Variants in RELN observed in about 807,000 individuals in gnomAD.
RELN encodes the protein reelin.
In RELN, 108 loss-of-function variants were observed where a neutral mutation model predicts 427.6. The observed-to-expected ratio is 0.25, with a 90% CI of 0.22 to 0.30. RELN has a LOEUF of 0.30. Among genes scored for constraint, RELN ranks in the 10% least tolerant of loss-of-function variants. The pLI, the probability that RELN is intolerant of heterozygous loss-of-function variation, is 1.00. For synonymous variants in RELN, 1,524 were observed against 1,513.4 expected (o/e 1.01, Z -0.16); for missense variants, 3,715 against 4,302.8 (o/e 0.86, Z 3.82).
chr7:103,813,851 A>ATCT (rs1186208688), intron 3 of RELN, among the ~76,000 whole-genome samples: 1 of 152,112 alleles, frequency 6.6e-6, no homozygotes, highest in Non-Finnish European at 1.5e-5. Context: ...ACAAGACTAT[A>ATCT]TCTTCATTCT....
intron 8 of RELN, among the ~76,000 whole-genome samples, chr7:103,712,166 A>T (rs926946827): frequency 2.6e-5 from 4 of 152,214 alleles, no homozygotes; most frequent in Non-Finnish European, 4.4e-5. Context: ...AACCTGCAGC[A>T]ATTATACATT....
At chr7:103,653,442 T>C (rs1041106280) in intron 13 of RELN, among the ~76,000 whole-genome samples, 1 of 152,108 alleles carries the variant, frequency 6.6e-6, no homozygotes, top group Non-Finnish European at 1.5e-5. Flanking sequence ...AGATGTTAGC[T>C]GCATTTAAGC....
In RELN at chr7:103,822,775, G is replaced by A. The variant is rs1414989479; in HGVS notation, c.473+10762C>T. Among the ~76,000 whole-genome samples the A allele has an allele frequency of 1.7e-4, 2 of 11,958 alleles. 1 individual carries two copies. The highest frequency in any genetic ancestry group is 2.4e-4 in the African/African-American group (2 of 8,174). 7.8% of individuals were successfully genotyped at this position (11,958 alleles called of 152,430 possible). A position where few individuals can be genotyped will look rare whatever the true frequency, so the allele number is the denominator to read the frequency against. On this transcript the variant is annotated intron_variant, in intron 3 of 64. Coordinates refer to ENST00000428762, the MANE Select transcript of RELN (RefSeq NM_005045.4). Reference sequence around the variant, plus strand: ...TAAAAATACAAAAAATTAGCCGGGCGCGGTGGCGGGCGCCTGTAGTCCCAG... The same window carrying A: ...TAAAAATACAAAAAATTAGCCGGGCACGGTGGCGGGCGCCTGTAGTCCCAG...
intron 2 of RELN, among the ~76,000 whole-genome samples, chr7:103,909,431 T>C (rs1795289146): frequency 6.6e-6 from 1 of 151,200 alleles, no homozygotes; most frequent in African/African-American, 2.4e-5. Flanking sequence ...ACAATTTTTA[T>C]TAACTAGTGA....
At chr7:103,967,618 A>G (rs1330268886) in intron 1 of RELN, among the ~76,000 whole-genome samples, 1 of 152,210 alleles carries the variant, frequency 6.6e-6, no homozygotes, top group Non-Finnish European at 1.5e-5. Flanking sequence ...GAATGCCTCT[A>G]TCATGTGAGC....
chr7:103,882,610 TC>T (rs1794633778), intron 2 of RELN, among the ~76,000 whole-genome samples: 1 of 151,916 alleles, frequency 6.6e-6, no homozygotes, highest in African/African-American at 2.4e-5. Context: ...AAAGGAGAGA[TC>T]ACCACTGATC....
chr7:103,919,302 C>G (rs1306887808), intron 1 of RELN, among the ~76,000 whole-genome samples: 2 of 151,928 alleles, frequency 1.3e-5, no homozygotes, highest in Non-Finnish European at 2.9e-5. Flanking sequence ...TCTTAACATG[C>G]AGACCATTTC....
intron 1 of RELN, among the ~76,000 whole-genome samples, chr7:103,960,112 T>A (rs1439690404): frequency 6.6e-6 from 1 of 152,250 alleles, no homozygotes; most frequent in African/African-American, 2.4e-5. Flanking sequence ...AAAGAAGAAA[T>A]TAGATTATGT....
chr7:103,912,555 CAT>C (rs1173099870), intron 2 of RELN, among the ~76,000 whole-genome samples: 3 of 151,974 alleles, frequency 2.0e-5, no homozygotes, highest in African/African-American at 4.8e-5. Flanking sequence ...AAATGAAACA[CAT>C]AGAAAATTAC....
chr7:103,893,041 T>A (rs1043980162), intron 2 of RELN, among the ~76,000 whole-genome samples: 2 of 152,094 alleles, frequency 1.3e-5, no homozygotes, highest in African/African-American at 4.8e-5. Flanking sequence ...CAAAAGGAAT[T>A]CTCAGTACAG....
intron 10 of RELN, among the ~76,000 whole-genome samples, chr7:103,682,742 T>C (rs6465934): frequency 1 from 151,620 of 152,348 alleles, 75,448 homozygotes; most frequent in Middle Eastern, 1. Context: ...ACATGCAATG[T>C]AGAAAAGGTC....
chr7:103,854,841 C>T (rs1382542809), intron 2 of RELN, among the ~76,000 whole-genome samples: 2 of 152,114 alleles, frequency 1.3e-5, no homozygotes, highest in Non-Finnish European at 2.9e-5. Flanking sequence ...GGATTTCTGC[C>T]AAAAAGGGCT....
At chr7:103,822,863 G>A (rs1793044340) in intron 3 of RELN, among the ~76,000 whole-genome samples, 1 of 1,064 alleles carries the variant, frequency 9.4e-4, no homozygotes, top group African/African-American at 1.1e-3. Context: ...GCAGTGAGCC[G>A]AGATTGCGCC....
intron 41 of RELN, 117 bp from the exon 42 acceptor site, chr7:103,545,461 T>C (rs576179833): frequency 6.8e-6 from 5 of 737,814 alleles, no homozygotes; most frequent in East Asian, 5.4e-5. Context: ...ACCCAAGAAA[T>C]AGAAAACATT....
At chr7:103,516,025 A>C (rs1829559472) in intron 49 of RELN, among the ~76,000 whole-genome samples, 1 of 152,142 alleles carries the variant, frequency 6.6e-6, no homozygotes. Context: ...TTCATAGAAA[A>C]TGTCATGTGA....
chr7:103,506,550 T>C (rs1027169388), intron 51 of RELN, among the ~76,000 whole-genome samples: 7 of 152,052 alleles, frequency 4.6e-5, no homozygotes, highest in African/African-American at 1.7e-4. Context: ...TTACAGGAGC[T>C]CCTGAAGGAA....
intron 27 of RELN, among the ~76,000 whole-genome samples, chr7:103,590,805 T>C (rs1457401483): frequency 2.6e-5 from 4 of 152,188 alleles, no homozygotes; most frequent in African/African-American, 7.2e-5. Context: ...CTTTTCTATT[T>C]TCTCTTCTGA....
chr7:103,610,274 G>C (rs1295009980), intron 22 of RELN, among the ~76,000 whole-genome samples: 2 of 152,144 alleles, frequency 1.3e-5, no homozygotes, highest in South Asian at 2.1e-4. Flanking sequence ...AATAGAGAAA[G>C]GGTGTATATT....
intron 9 of RELN, 52 bp downstream of exon 9, chr7:103,700,858 T>C: frequency 9.0e-7 from 1 of 1,113,220 alleles, no homozygotes; most frequent in South Asian, 1.2e-5. Context: ...TATAGGAGAG[T>C]AGAACTCCAT....
Sources: gnomAD v4.1 joint callset for allele counts (sites outside exome capture counted in the v4.1 genomes callset) on GRCh38, gnomAD v4.1.1 for gene constraint, MANE v1.5 for transcripts, NCBI Gene and HGNC (gene_info 2026-07-23, HGNC 2026-07-21) for gene names.